The following AGBL4 variants were observed in gnomAD, a reference collection of about 807,000 sequenced individuals.
The protein encoded by AGBL4 is AGBL carboxypeptidase 4, also known as cytosolic carboxypeptidase 6.
A neutral mutation model predicts 66.4 loss-of-function variants in AGBL4; 58 were observed. The observed-to-expected ratio is 0.87, with a 90% CI of 0.71 to 1.09. The LOEUF (loss-of-function observed/expected upper bound fraction) is 1.09. Ranked by LOEUF, AGBL4 falls within the 50% of genes least tolerant of loss-of-function variation. The probability of loss-of-function intolerance (pLI) is 0.00; values close to 1 mark genes in which losing one functional copy is unlikely to be tolerated. For synonymous variants in AGBL4, 234 were observed against 222.9 expected, an observed-to-expected ratio of 1.05 and a Z score of -0.44; for missense variants, 579 against 631.0, an observed-to-expected ratio of 0.92 and a Z score of 0.88.
chr1:48,675,291 C>T (rs950019531), intron 6 of AGBL4, among the ~76,000 whole-genome samples: 3 of 152,192 alleles, frequency 2.0e-5, no homozygotes, highest in Non-Finnish European at 4.4e-5. Context: ...CCCTAGACCC[C>T]CTTGACAGAA....
chr1:49,479,607 C>G (rs1194573464), intron 3 of AGBL4, among the ~76,000 whole-genome samples: 1 of 151,850 alleles, frequency 6.6e-6, no homozygotes, highest in African/African-American at 2.4e-5. Flanking sequence ...GTGTCCAGCC[C>G]CATCCATGTC....
intron 3 of AGBL4, among the ~76,000 whole-genome samples, chr1:49,360,791 C>A (rs1328480229): frequency 6.6e-6 from 1 of 151,986 alleles, no homozygotes; most frequent in Non-Finnish European, 1.5e-5. Flanking sequence ...AACGAATCCG[C>A]ATGTTATTGT....
chr1:49,408,048 A>AT (rs1645241366), intron 3 of AGBL4, among the ~76,000 whole-genome samples: 1 of 152,052 alleles, frequency 6.6e-6, no homozygotes, highest in Non-Finnish European at 1.5e-5. Context: ...CAACTGACTT[A>AT]TTTTTCGCTT....
chr1:49,388,494 C>G (rs1373381855), intron 3 of AGBL4, among the ~76,000 whole-genome samples: 2 of 152,106 alleles, frequency 1.3e-5, no homozygotes, highest in Non-Finnish European at 2.9e-5. Context: ...TTTGTACATC[C>G]ATCTTACAAA....
chr1:49,437,565 T>G (rs1645929731), intron 3 of AGBL4, among the ~76,000 whole-genome samples: 1 of 152,180 alleles, frequency 6.6e-6, no homozygotes, highest in African/African-American at 2.4e-5. Context: ...TCTGCCTACT[T>G]TGGTCGAGTT....
At chr1:48,831,439 G>A (rs1487954922) in intron 6 of AGBL4, among the ~76,000 whole-genome samples, 1 of 152,198 alleles carries the variant, frequency 6.6e-6, no homozygotes, top group Non-Finnish European at 1.5e-5. Context: ...CCTCTCTGCT[G>A]AAGCCAAGTT....
At chr1:50,007,240 A>C (rs750875772) in intron 1 of AGBL4, among the ~76,000 whole-genome samples, 7 of 152,192 alleles carry the variant, frequency 4.6e-5, no homozygotes, top group Non-Finnish European at 8.8e-5. Flanking sequence ...AAAAATAAAA[A>C]ATCAGAAATT....
At chr1:49,727,126 A>C (rs1011600946) in intron 2 of AGBL4, among the ~76,000 whole-genome samples, 3 of 152,180 alleles carry the variant, frequency 2.0e-5, no homozygotes, top group African/African-American at 7.2e-5. Context: ...AGAGTAAAAG[A>C]CTAGTTGAGG....
intron 5 of AGBL4, 33 bp from the exon 6 acceptor site, chr1:48,867,263 T>A (rs367994696): frequency 1.2e-6 from 2 of 1,611,860 alleles, no homozygotes; most frequent in African/African-American, 2.7e-5. Flanking sequence ...AGGGCACTGA[T>A]TTGAGCCAGA....
intron 5 of AGBL4, among the ~76,000 whole-genome samples, chr1:48,971,137 G>T (rs753944124): frequency 2.0e-5 from 3 of 152,134 alleles, no homozygotes; most frequent in Non-Finnish European, 2.9e-5. Context: ...CAGGTACTGG[G>T]CTGTGGCCTG....
chr1:49,400,579 C>T (rs1443485483), intron 3 of AGBL4, among the ~76,000 whole-genome samples: 2 of 151,990 alleles, frequency 1.3e-5, no homozygotes, highest in African/African-American at 4.8e-5. Flanking sequence ...ATAGTATTCT[C>T]TTCCACTTCT....
intron 3 of AGBL4, among the ~76,000 whole-genome samples, chr1:49,336,802 G>C (rs1645446632): frequency 6.6e-6 from 1 of 152,084 alleles, no homozygotes; most frequent in Non-Finnish European, 1.5e-5. Flanking sequence ...TTATTTGAAA[G>C]TGTTTATCCA....
chr1:49,293,181 T>C (rs1644576189), intron 3 of AGBL4, among the ~76,000 whole-genome samples: 1 of 152,210 alleles, frequency 6.6e-6, no homozygotes, highest in African/African-American at 2.4e-5. Context: ...CCATCTGTGC[T>C]GGCACTTGGA....
At chr1:49,506,327 CTT>C (rs1648682543) in intron 3 of AGBL4, among the ~76,000 whole-genome samples, 1 of 151,870 alleles carries the variant, frequency 6.6e-6, no homozygotes, top group Non-Finnish European at 1.5e-5. Flanking sequence ...AGCAAATTAA[CTT>C]TTGTTTTTGT....
intron 3 of AGBL4, among the ~76,000 whole-genome samples, chr1:49,485,136 T>C (rs1647037601): frequency 6.6e-6 from 1 of 151,958 alleles, no homozygotes; most frequent in Non-Finnish European, 1.5e-5. Context: ...TAAATCATGC[T>C]GCTATAAAGA....
chr1:49,328,746 C>T (rs1645272701), intron 3 of AGBL4, among the ~76,000 whole-genome samples: 2 of 152,146 alleles, frequency 1.3e-5, no homozygotes, highest in Admixed American at 1.3e-4. Context: ...CAATACCTTC[C>T]ACTTCATGTA....
intron 6 of AGBL4, among the ~76,000 whole-genome samples, chr1:48,815,318 A>G (rs1646147938): frequency 6.6e-6 from 1 of 152,176 alleles, no homozygotes; most frequent in Admixed American, 6.5e-5. Context: ...ATGCTTAGTT[A>G]CATTTTCCCT....
chr1:49,943,011 G>C (rs1327521260), intron 1 of AGBL4, among the ~76,000 whole-genome samples: 1 of 152,220 alleles, frequency 6.6e-6, no homozygotes. Flanking sequence ...GACCTGAATA[G>C]ACATTTCTCT....
chr1:49,916,085 C>T (rs1438758161), intron 1 of AGBL4, among the ~76,000 whole-genome samples: 2 of 152,076 alleles, frequency 1.3e-5, no homozygotes, highest in African/African-American at 2.4e-5. Context: ...CCCATCTGTA[C>T]GTCACCATCA....
Sources: gnomAD v4.1 joint callset for allele counts (sites outside exome capture counted in the v4.1 genomes callset) on GRCh38, gnomAD v4.1.1 for gene constraint, MANE v1.5 for transcripts, NCBI Gene and HGNC (gene_info 2026-07-23, HGNC 2026-07-21) for gene names.